CACNA1E: variants seen among roughly 807,000 people sequenced by gnomAD.
CACNA1E encodes the protein voltage-dependent R-type calcium channel subunit alpha-1E.
CACNA1E carries 40 observed loss-of-function variants against 259.2 expected under a neutral mutation model. The ratio of observed to expected loss-of-function variants is 0.15; its 90% CI spans 0.12 to 0.20. The LOEUF is 0.20. Among genes scored for constraint, CACNA1E ranks in the 10% least tolerant of loss-of-function variants. The probability of loss-of-function intolerance (pLI) is 1.00; values close to 1 mark genes in which losing one functional copy is unlikely to be tolerated. For missense variants in CACNA1E, 1,874 were observed against 3,040.1 expected (o/e 0.62, Z 9.02); for synonymous variants, 1,104 against 1,138.5 (o/e 0.97, Z 0.61).
intron 5 of CACNA1E, among the ~76,000 whole-genome samples, chr1:181,579,973 T>A (rs970527903): frequency 2.0e-5 from 3 of 152,234 alleles, no homozygotes; most frequent in African/African-American, 7.2e-5. Context: ...CATATCTTTG[T>A]ATTTCATTTG....
chr1:181,584,471 C>T (rs1651858020), intron 6 of CACNA1E, among the ~76,000 whole-genome samples: 1 of 152,188 alleles, frequency 6.6e-6, no homozygotes, highest in Non-Finnish European at 1.5e-5. Context: ...GTCTTCCCAA[C>T]TCCTCAGAAA....
chr1:181,665,341 A>G (rs1056035630), intron 7 of CACNA1E, among the ~76,000 whole-genome samples: 2 of 152,232 alleles, frequency 1.3e-5, no homozygotes, highest in Non-Finnish European at 2.9e-5. Flanking sequence ...TAAGGAACCC[A>G]GTAGATGATT....
chr1:181,711,001 T>G lies in CACNA1E; in HGVS notation c.1103T>G (p.Met368Arg), dbSNP rs1653296535. The change falls in exon 8 of 48, where the codon ATG (methionine) becomes AGG (arginine). Residue 368 changes from methionine to arginine, a missense_variant. By Grantham distance (91) the Met-to-Arg change is moderately conservative. Transcript: ENST00000367573. ...AGAGTGGAGAACCGAAGGGCTTTCA[T>G]GAAGCTGCGGCGCCAGCAGCAGATT... is the stretch of plus-strand genomic sequence containing the variant. ...RERVENRRAF[M>R]KLRRQQQIER... The G allele has an allele frequency of 6.2e-7, 1 of 1,613,910 alleles. No homozygotes were observed. Among genetic ancestry groups the G allele is most frequent in the Non-Finnish European group, 8.5e-7 (1 of 1,179,874 alleles).
chr1:181,557,072 G>T (rs973686783), intron 3 of CACNA1E, among the ~76,000 whole-genome samples: 2 of 152,148 alleles, frequency 1.3e-5, no homozygotes, highest in Non-Finnish European at 2.9e-5. Flanking sequence ...GGTGGGAGCT[G>T]GGGGAGTGTT....
chr1:181,637,513 T>G (rs1657351732), intron 6 of CACNA1E, among the ~76,000 whole-genome samples: 2 of 151,116 alleles, frequency 1.3e-5, no homozygotes, highest in African/African-American at 4.9e-5. Flanking sequence ...TGTGTCTTTC[T>G]GTCTTTCATC....
intron 3 of CACNA1E, among the ~76,000 whole-genome samples, chr1:181,517,346 G>T (rs1666662552): frequency 6.6e-6 from 1 of 152,030 alleles, no homozygotes; most frequent in Non-Finnish European, 1.5e-5. Context: ...CATGGGGAGA[G>T]ACCTGCAGAG....
intron 6 of CACNA1E, among the ~76,000 whole-genome samples, chr1:181,608,454 G>T (rs1346952554): frequency 6.6e-6 from 1 of 152,126 alleles, no homozygotes; most frequent in Admixed American, 6.5e-5. Context: ...CAGACAAGGG[G>T]GGCTACAGCA....
intron 2 of CACNA1E, among the ~76,000 whole-genome samples, chr1:181,468,717 A>G (rs1662306946): frequency 6.6e-6 from 1 of 152,202 alleles, no homozygotes; most frequent in Admixed American, 6.5e-5. Flanking sequence ...AAATTGCTTC[A>G]TAAGGGAGGT....
At chr1:181,749,163 G>A (rs928063466) in intron 25 of CACNA1E, among the ~76,000 whole-genome samples, 2 of 152,038 alleles carry the variant, frequency 1.3e-5, no homozygotes, top group Non-Finnish European at 2.9e-5. Flanking sequence ...ATACAGTAGT[G>A]GAACATAGGT....
At chr1:181,633,330 A>C (rs1306313919) in intron 6 of CACNA1E, among the ~76,000 whole-genome samples, 1 of 151,988 alleles carries the variant, frequency 6.6e-6, no homozygotes, top group African/African-American at 2.4e-5. Flanking sequence ...TACTTACCGA[A>C]TGCTTTCTGC....
intron 6 of CACNA1E, among the ~76,000 whole-genome samples, chr1:181,638,046 C>T (rs1373423972): frequency 6.6e-6 from 1 of 152,050 alleles, no homozygotes; most frequent in African/African-American, 2.4e-5. Context: ...GGGCAAATTC[C>T]CATTTCAAGG....
At chr1:181,508,147 T>TTGTGTTTGTGTG (rs1553265258) in intron 1 of CACNA1E, among the ~76,000 whole-genome samples, 1 of 148,852 alleles carries the variant, frequency 6.7e-6, no homozygotes, top group African/African-American at 2.5e-5. Context: ...CCCAAACGCC[T>TTGTGTTTGTGTG]TGTGTGTGTG....
At chr1:181,400,501 A>G (rs761361903) in intron 1 of CACNA1E, among the ~76,000 whole-genome samples, 2 of 152,078 alleles carry the variant, frequency 1.3e-5, no homozygotes, top group Non-Finnish European at 2.9e-5. Flanking sequence ...CCCCCACCAC[A>G]TCAGCTGCTG....
chr1:181,545,667 CCA>C (rs1306040890), intron 3 of CACNA1E, among the ~76,000 whole-genome samples: 4 of 152,186 alleles, frequency 2.6e-5, no homozygotes, highest in Non-Finnish European at 4.4e-5. Context: ...CACGAGGAAA[CCA>C]CAGTCTGTCT....
rs1484790327 is a variant in CACNA1E at position 181,337,722 on chromosome 1, C to T, written c.-15+19599C>T. Among the ~76,000 whole-genome samples, 6 of 152,170 alleles carry T rather than the reference C, an allele frequency of 3.9e-5. No individual in the cohort carries two copies. The South Asian group carries it at 1.2e-3, about 32-fold the overall frequency. On this transcript the variant is annotated intron_variant, in intron 1 of 11. Coordinates refer to the CACNA1E transcript ENST00000524607. ...TTTTAAGGCTGAGTAGTATTCCATT[C>T]TGTACATATATCACAATTTCTTTAT...
intron 7 of CACNA1E, among the ~76,000 whole-genome samples, chr1:181,656,985 A>G (rs537438620): frequency 1.3e-4 from 20 of 152,346 alleles, no homozygotes; most frequent in Admixed American, 1.1e-3. Flanking sequence ...TGTTCACACA[A>G]CAACAACATT....
chr1:181,454,313 T>C (rs1440449884), intron 2 of CACNA1E, among the ~76,000 whole-genome samples: 1 of 152,232 alleles, frequency 6.6e-6, no homozygotes, highest in East Asian at 1.9e-4. Context: ...TGGACAAGAC[T>C]CTTAACCTTC....
At chr1:181,476,943 C>T (rs1452199239) in intron 2 of CACNA1E, among the ~76,000 whole-genome samples, 2 of 152,216 alleles carry the variant, frequency 1.3e-5, no homozygotes, top group South Asian at 2.1e-4. Flanking sequence ...GGCTAAACTC[C>T]GAACCTCCAA....
At chr1:181,644,700 C>G (rs1658104449) in intron 6 of CACNA1E, among the ~76,000 whole-genome samples, 1 of 152,082 alleles carries the variant, frequency 6.6e-6, no homozygotes, top group African/African-American at 2.4e-5. Context: ...AGGGACTGCT[C>G]TTAGGAGTTA....
Sources: allele counts gnomAD v4.1 joint callset (sites outside exome capture counted in the v4.1 genomes callset), GRCh38; gene constraint gnomAD v4.1.1; transcripts MANE v1.5; gene names NCBI Gene and HGNC (gene_info 2026-07-23, HGNC 2026-07-21).